The following AVIL variants were observed in gnomAD, a reference collection of about 807,000 sequenced individuals.
The protein encoded by AVIL is advillin.
Under a neutral mutation model 109.9 loss-of-function variants are expected in AVIL, and 78 were observed. The observed-to-expected ratio is 0.71, with a 90% CI of 0.59 to 0.86. The LOEUF (loss-of-function observed/expected upper bound fraction) is 0.86. Among genes scored for constraint, AVIL ranks in the 40% least tolerant of loss-of-function variants. AVIL has a pLI of 0.00. For synonymous variants in AVIL, 367 were observed against 379.1 expected (o/e 0.97, Z 0.37); for missense variants, 892 against 1,016.5 (o/e 0.88, Z 1.67).
intron 4 of AVIL, among the ~76,000 whole-genome samples, 154 bp downstream of exon 4, chr12:57,813,073 C>G (rs1471506481): frequency 1.3e-5 from 2 of 152,230 alleles, no homozygotes; most frequent in Non-Finnish European, 2.9e-5. Context: ...TGGCACCTCC[C>G]AGCTGTTTAA....
rs1017280159 is a variant in AVIL, at chr12:57,797,744, A to G, written c.*138T>C. 10 of 734,552 alleles carry G rather than the reference A, an allele frequency of 1.4e-5. No homozygotes were observed. Among genetic ancestry groups the G allele is most frequent in the Non-Finnish European group, 1.7e-5 (9 of 518,896 alleles). 45.5% of individuals were successfully genotyped at this position (734,552 alleles called of 1,614,324 possible). ...GCAAGGATGAGAAAAAATGGAGAAC[A>G]TGCCGTGATTTGCAGACTCTATTAT... On this transcript the variant is annotated 3_prime_UTR_variant, in exon 20 of 20. Transcript: ENST00000549994.
chr12:57,808,654 C>T, intron 9 of AVIL, 106 bp from the exon 10 acceptor site: 2 of 1,325,358 alleles, frequency 1.5e-6, no homozygotes, highest in Non-Finnish European at 2.0e-6. Context: ...AAGCGTCTCC[C>T]CTCTGGGAGT....
chr12:57,815,948 A>C (rs1328180137), intron 2 of AVIL, 27 bp downstream of exon 2: 4 of 1,613,708 alleles, frequency 2.5e-6, no homozygotes, highest in African/African-American at 1.3e-5. Context: ...CAGTGGTCAC[A>C]AGTAAGGTGC....
chr12:57,818,570 T>G (rs1213969381), intron 1 of AVIL, 59 bp downstream of exon 1: 1 of 152,196 alleles, frequency 6.6e-6, no homozygotes. Flanking sequence ...CCTCTTCCTT[T>G]CATTTCTTCC....
rs1293774198 is a variant in AVIL, at chr12:57,803,507, A to T, written c.1817+17T>A. The T allele has an allele frequency of 4.3e-6, 7 of 1,613,838 alleles. No homozygotes were observed. The African/African-American group carries it at 6.7e-5, about 15-fold the overall frequency. ...GGCAGGGGGAGCCCAGAAGAGGGGG[A>T]GGCTGTGTTCCCATACCTTTTATCA... On this transcript the variant is annotated intron_variant, in intron 15 of 19. Coordinates refer to ENST00000549994, the MANE Select transcript of AVIL (RefSeq NM_006576.4).
intron 2 of AVIL, chr12:57,815,516 A>C (rs1389680562): frequency 1.7e-6 from 2 of 1,147,684 alleles, no homozygotes; most frequent in East Asian, 1.2e-4. Context: ...AGCCGCACAG[A>C]GGGTCCCAAG....
chr12:57,810,644 A>G, intron 6 of AVIL, 93 bp from the exon 7 acceptor site: 3 of 1,470,334 alleles, frequency 2.0e-6, no homozygotes, highest in Non-Finnish European at 2.8e-6. Context: ...CAGACACAGG[A>G]GTTACTTGGA....
At position 57,799,849 on chromosome 12, in the gene AVIL, C is replaced by T. The variant is rs781170350; in HGVS notation, c.2292G>A (p.Leu764=). The part of the protein sequence containing the change: ...SEPKYYPIAV[L]LKNQNQELPE... ...GCAGCTCCTGATTCTGGTTTTTCAA[C>T]AGAACTGCTATAGGGTAATATTTTG... The change falls in exon 19 of 20, where the codon CTG becomes CTA. Residue 764 remains leucine (L), a synonymous_variant. Coordinates refer to ENST00000549994, the MANE Select transcript of AVIL (RefSeq NM_006576.4). 3.1e-6 allele frequency: 5 copies of T among 1,614,160 alleles called. No individual in the cohort carries two copies. The South Asian group carries it at 4.4e-5, about 14-fold the overall frequency.
intron 4 of AVIL, among the ~76,000 whole-genome samples, chr12:57,812,318 G>T (rs1956048361): frequency 6.6e-6 from 1 of 152,042 alleles, no homozygotes; most frequent in South Asian, 2.1e-4. Context: ...ACAGGTGTGA[G>T]CCACCACGCC....
intron 19 of AVIL, 139 bp from the exon 20 acceptor site, chr12:57,798,134 T>A: frequency 1.9e-6 from 1 of 526,630 alleles, no homozygotes; most frequent in Non-Finnish European, 3.2e-6. Context: ...GAAAGGCTGT[T>A]AAAGATTTAA....
At chr12:57,810,311 A>T in intron 7 of AVIL, 38 bp downstream of exon 7, 7 of 1,555,958 alleles carry the variant, frequency 4.5e-6, no homozygotes, top group Non-Finnish European at 6.2e-6. Context: ...CTTCCCCCCA[A>T]CCCCAGCTTC....
Position 57,801,230 on chromosome 12 carries a change from A to G in AVIL, c.2152-18T>C, listed in dbSNP as rs758716346. On this transcript the variant is annotated intron_variant, in intron 17 of 19. Transcript: ENST00000549994. Reference sequence around the variant, plus strand: ...TTTCCTGCCTGAGAAGAAGAGAGAGAAAACACAGGATGAGGTCTTTCTTAT... The same window carrying G: ...TTTCCTGCCTGAGAAGAAGAGAGAGGAAACACAGGATGAGGTCTTTCTTAT... 6.2e-7 allele frequency: 1 copy of G among 1,608,034 alleles called. No homozygotes were observed. The highest frequency in any genetic ancestry group is 8.5e-7 in the Non-Finnish European group (1 of 1,175,132).
At chr12:57,811,543 C>T (rs1956038141) in intron 4 of AVIL, among the ~76,000 whole-genome samples, 1 of 152,212 alleles carries the variant, frequency 6.6e-6, no homozygotes, top group Non-Finnish European at 1.5e-5. Flanking sequence ...ACTCCACGGC[C>T]TTAAGACCAC....
chr12:57,806,739 C>T (rs535742425), intron 13 of AVIL, among the ~76,000 whole-genome samples, 200 bp from the exon 14 acceptor site: 1 of 152,284 alleles, frequency 6.6e-6, no homozygotes, highest in East Asian at 1.9e-4. Flanking sequence ...TATCATATTC[C>T]AGGCTCTGTG....
rs1202339437 is a variant in AVIL, at chr12:57,810,360, G to T, written c.750C>A (p.Ile250=). The T allele has an allele frequency of 2.5e-6, 4 of 1,614,066 alleles. No homozygotes were observed. In the African/African-American group the frequency reaches 5.3e-5, roughly 22 times the overall value. The part of the protein sequence containing the change: ...EIIDQKQKST[I]MLYHISDSAG... ...GTTGAGCTACTCACTGATACAACAT[G>T]ATAGTTGATTTCTGCTTCTGATCTA... The change falls in exon 7 of 20, where the codon ATC becomes ATA. Residue 250 remains isoleucine, a synonymous_variant. Transcript: ENST00000549994.
At position 57,803,637 on chromosome 12, in the gene AVIL, C is replaced by G; in HGVS notation, c.1704G>C (p.Lys568Asn). 6.2e-7 allele frequency: 1 copy of G among 1,614,178 alleles called. No homozygotes were observed. Among genetic ancestry groups the G allele is most frequent in the Non-Finnish European group, 8.5e-7 (1 of 1,180,038 alleles). Residue 568 changes from lysine to asparagine, a missense_variant, in exon 15 of 20, where the codon AAG becomes AAC. Physicochemically the swap from Lys to Asn is moderately conservative, Grantham distance 94. Coordinates refer to ENST00000549994, the MANE Select transcript of AVIL (RefSeq NM_006576.4). ...GSSGDERAMA[K>N]ELASLLCDGS... ...CATCACAGAGAAGGCTGGCCAGCTC[C>G]TTAGCCATTGCCCGCTCATCCCCAC...
At chr12:57,802,423 T>G (rs949853812) in intron 16 of AVIL, 75 bp from the exon 17 acceptor site, 1 of 1,481,006 alleles carries the variant, frequency 6.8e-7, no homozygotes, top group Non-Finnish European at 9.2e-7. Flanking sequence ...CACATTACCC[T>G]ATCTTTCCCC....
chr12:57,810,208 A>C, intron 7 of AVIL, 141 bp downstream of exon 7: 1 of 887,914 alleles, frequency 1.1e-6, no homozygotes. Context: ...CAAGCTTTCT[A>C]GGAGCTGCAT....
rs1386934529 is a variant in AVIL at position 57,814,245 on chromosome 12, G to A, written c.67-19C>T. Reference sequence around the variant, plus strand: ...CCATTTTCTGGAAGGACAAGGGGTGGGTATAGGCTACATCCCCTCCCACCT... The same window carrying A: ...CCATTTTCTGGAAGGACAAGGGGTGAGTATAGGCTACATCCCCTCCCACCT... On this transcript the variant is annotated intron_variant, in intron 2 of 19. Transcript: ENST00000549994. The A allele has an allele frequency of 6.2e-7, 1 of 1,606,962 alleles. No homozygotes were observed.
Sources: allele counts gnomAD v4.1 joint callset (sites outside exome capture counted in the v4.1 genomes callset), GRCh38; gene constraint gnomAD v4.1.1; transcripts MANE v1.5; gene names NCBI Gene and HGNC (gene_info 2026-07-23, HGNC 2026-07-21).